The following GREM2 variants were observed in gnomAD, a reference collection of about 807,000 sequenced individuals.
The protein encoded by GREM2 is gremlin-2.
In GREM2, 11 loss-of-function variants were observed where a neutral mutation model predicts 14.2. That is an observed-to-expected ratio of 0.78 (90% CI 0.49 to 1.28). The LOEUF is 1.28. GREM2 is among the 50% of genes most tolerant of loss of function. The pLI is 0.00. For missense variants in GREM2, 210 were observed against 218.5 expected, an observed-to-expected ratio of 0.96 and a Z score of 0.24; for synonymous variants, 98 against 97.6, an observed-to-expected ratio of 1.00 and a Z score of -0.02.
At chr1:240,556,552 C>G (rs1403560593) in intron 1 of GREM2, among the ~76,000 whole-genome samples, 1 of 151,942 alleles carries the variant, frequency 6.6e-6, no homozygotes. Flanking sequence ...AAGCCCCAAG[C>G]AAGCTAACCA....
intron 1 of GREM2, among the ~76,000 whole-genome samples, chr1:240,556,669 T>C (rs923643104): frequency 2.0e-5 from 3 of 151,826 alleles, no homozygotes; most frequent in Non-Finnish European, 4.4e-5. Context: ...AAGAAGACGA[T>C]ACTAAGAAAG....
chr1:240,600,624 C>T (rs1372618104), intron 1 of GREM2, among the ~76,000 whole-genome samples: 1 of 152,010 alleles, frequency 6.6e-6, no homozygotes, highest in African/African-American at 2.4e-5. Flanking sequence ...GCTGGGATTA[C>T]AGGCGCCCAC....
intron 1 of GREM2, among the ~76,000 whole-genome samples, chr1:240,506,045 A>C (rs1008113359): frequency 1.3e-5 from 2 of 152,160 alleles, no homozygotes; most frequent in Non-Finnish European, 2.9e-5. Flanking sequence ...TTAGATGTCA[A>C]TTAAAAAGTG....
At chr1:240,509,811 G>A (rs1427843192) in intron 1 of GREM2, among the ~76,000 whole-genome samples, 2 of 152,124 alleles carry the variant, frequency 1.3e-5, no homozygotes, top group South Asian at 2.1e-4. Context: ...GGTAGAAGGG[G>A]CCATAGAAGG....
intron 1 of GREM2, chr1:240,530,406 C>T (rs1460637599): frequency 6.6e-6 from 1 of 152,172 alleles, no homozygotes; most frequent in Non-Finnish European, 1.5e-5. Context: ...ATTCTCTCAT[C>T]ATTTCTGGTT....
chr1:240,575,074 T>C (rs1266609880), intron 1 of GREM2, among the ~76,000 whole-genome samples: 2 of 151,742 alleles, frequency 1.3e-5, no homozygotes, highest in Non-Finnish European at 2.9e-5. Flanking sequence ...ACCACTGCAT[T>C]CCAGCTTGGT....
At chr1:240,591,105 CCTT>C (rs1341555131) in intron 1 of GREM2, among the ~76,000 whole-genome samples, 8 of 152,142 alleles carry the variant, frequency 5.3e-5, no homozygotes, top group African/African-American at 1.9e-4. Context: ...ACTGTCTTCT[CCTT>C]AACTGACATT....
At chr1:240,525,903 C>G (rs1018803437) in intron 1 of GREM2, among the ~76,000 whole-genome samples, 5 of 152,268 alleles carry the variant, frequency 3.3e-5, no homozygotes, top group Admixed American at 6.5e-5. Context: ...ATTTCCTTGC[C>G]TTTTCCTGCT....
At chr1:240,544,800 G>A (rs1678681093) in intron 1 of GREM2, among the ~76,000 whole-genome samples, 1 of 152,072 alleles carries the variant, frequency 6.6e-6, no homozygotes, top group Non-Finnish European at 1.5e-5. Flanking sequence ...GTTGTTTTAT[G>A]TATAATCTAC....
intron 1 of GREM2, among the ~76,000 whole-genome samples, chr1:240,516,069 A>T (rs1572376018): frequency 6.6e-6 from 1 of 150,882 alleles, no homozygotes; most frequent in South Asian, 2.1e-4. Context: ...AGTATACTCC[A>T]TGGACTTCTG....
At chr1:240,550,746 T>C (rs1005639055) in intron 1 of GREM2, among the ~76,000 whole-genome samples, 1 of 152,224 alleles carries the variant, frequency 6.6e-6, no homozygotes, top group Non-Finnish European at 1.5e-5. Context: ...TCTGAAAAGA[T>C]GTAAATATTT....
At chr1:240,497,590 C>T (rs996607451) in intron 1 of GREM2, among the ~76,000 whole-genome samples, 5 of 146,680 alleles carry the variant, frequency 3.4e-5, no homozygotes, top group South Asian at 2.1e-4. Flanking sequence ...TTGGTACTGT[C>T]GATGACGCTG....
chr1:240,554,960 A>G (rs1278100419), intron 1 of GREM2, among the ~76,000 whole-genome samples: 4 of 152,162 alleles, frequency 2.6e-5, no homozygotes, highest in Non-Finnish European at 4.4e-5. Context: ...CCTGGCCAAC[A>G]TGGTGAAACC....
chr1:240,501,075 T>C (rs1677560695), intron 1 of GREM2, among the ~76,000 whole-genome samples: 1 of 152,238 alleles, frequency 6.6e-6, no homozygotes, highest in East Asian at 1.9e-4. Context: ...CTTATGATGA[T>C]TTTAATTTGC....
chr1:240,499,054 G>C (rs1179703054), intron 1 of GREM2, among the ~76,000 whole-genome samples: 1 of 152,204 alleles, frequency 6.6e-6, no homozygotes, highest in Non-Finnish European at 1.5e-5. Flanking sequence ...AAGCAAGCTA[G>C]TATTTAGGCA....
chr1:240,578,263 C>T (rs1374238260), intron 1 of GREM2, among the ~76,000 whole-genome samples: 1 of 152,000 alleles, frequency 6.6e-6, no homozygotes, highest in Non-Finnish European at 1.5e-5. Context: ...GTAGCTGGGA[C>T]TACAGGCGCC....
intron 1 of GREM2, among the ~76,000 whole-genome samples, chr1:240,494,676 C>T (rs536913495): frequency 3.2e-4 from 48 of 152,040 alleles, no homozygotes; most frequent in African/African-American, 9.6e-4. Context: ...CCGAGGCAGG[C>T]GGATCACGAG....
chr1:240,532,688 T>TAG (rs1558152086), intron 1 of GREM2, among the ~76,000 whole-genome samples: 6 of 77,300 alleles, frequency 7.8e-5, no homozygotes, highest in African/African-American at 1.1e-4. Context: ...TAGATAGATA[T>TAG]ATGGCAAGAA....
intron 1 of GREM2, among the ~76,000 whole-genome samples, chr1:240,513,653 A>G (rs1370242788): frequency 2.0e-5 from 3 of 151,866 alleles, no homozygotes; most frequent in Admixed American, 2.0e-4. Context: ...GGGGGCCAGT[A>G]TCCAGAGATG....
Sources: gnomAD v4.1 joint callset for allele counts (sites outside exome capture counted in the v4.1 genomes callset) on GRCh38, gnomAD v4.1.1 for gene constraint, MANE v1.5 for transcripts, NCBI Gene and HGNC (gene_info 2026-07-23, HGNC 2026-07-21) for gene names.